The following PHF24 variants were observed in gnomAD, a reference collection of about 807,000 sequenced individuals.
PHF24 encodes PHD finger protein 24.
In PHF24, 25 loss-of-function variants were observed where a neutral mutation model predicts 42.6. That is an observed-to-expected ratio of 0.59 (90% CI 0.43 to 0.82). The LOEUF is 0.82. Among genes scored for constraint, PHF24 ranks in the 40% least tolerant of loss-of-function variants. The pLI is 0.00. For missense variants in PHF24, 470 were observed against 538.1 expected (o/e 0.87, Z 1.25); for synonymous variants, 185 against 204.8 (o/e 0.90, Z 0.83).
chr9:34,736,368 A>C, the PHF24 span, among the ~76,000 whole-genome samples: 1 of 152,212 alleles, frequency 6.6e-6, no homozygotes, highest in African/African-American at 2.4e-5. Flanking sequence ...GTGCAGTGGC[A>C]CAATGATGGC....
the PHF24 span, among the ~76,000 whole-genome samples, chr9:34,737,301 C>T: frequency 6.6e-6 from 1 of 152,176 alleles, no homozygotes; most frequent in Non-Finnish European, 1.5e-5. Flanking sequence ...GAATATGTGA[C>T]CTTTTGCACC....
the PHF24 span, among the ~76,000 whole-genome samples, chr9:34,882,669 C>T: frequency 2.0e-5 from 3 of 152,050 alleles, no homozygotes; most frequent in Admixed American, 6.6e-5. Context: ...ATGTGAAGGA[C>T]CTCTTCAAGG....
chr9:34,758,539 G>A, the PHF24 span, among the ~76,000 whole-genome samples: 1 of 152,128 alleles, frequency 6.6e-6, no homozygotes, highest in East Asian at 1.9e-4. This position sits in a 1 kb window ranked among gnomAD's most constrained non-coding sequence, Gnocchi z 4.4. Context: ...ATGCACCTGG[G>A]ATTGCGGCAT....
the PHF24 span, chr9:34,723,665 T>C: frequency 4.5e-6 from 7 of 1,551,548 alleles, no homozygotes; most frequent in Middle Eastern, 1.7e-4. Flanking sequence ...CACCAGCCCA[T>C]GCAAAACTTG....
chr9:34,806,182 A>T, the PHF24 span, among the ~76,000 whole-genome samples: 4 of 151,182 alleles, frequency 2.6e-5, no homozygotes, highest in African/African-American at 9.7e-5. Flanking sequence ...TTTTTTCAAG[A>T]TTGCTTGGGC....
At chr9:34,779,827 G>A in the PHF24 span, among the ~76,000 whole-genome samples, 5 of 152,148 alleles carry the variant, frequency 3.3e-5, no homozygotes, top group African/African-American at 1.2e-4. Flanking sequence ...CTAAGTTCAA[G>A]CGATTCTCCT....
At chr9:34,677,443 C>T in the PHF24 span, among the ~76,000 whole-genome samples, 1 of 133,294 alleles carries the variant, frequency 7.5e-6, no homozygotes, top group Admixed American at 8.8e-5. Flanking sequence ...GTCGCCCAGG[C>T]TGGAGTGCAG....
chr9:34,679,919 T>C, the PHF24 span, among the ~76,000 whole-genome samples: 1 of 152,316 alleles, frequency 6.6e-6, no homozygotes, highest in South Asian at 2.1e-4. Flanking sequence ...TGCCTGACAG[T>C]CCAAATATGT....
chr9:34,910,170 C>G, the PHF24 span, among the ~76,000 whole-genome samples: 1,365 of 152,320 alleles, frequency 9.0e-3, 18 homozygotes, highest in African/African-American at 0.031. Flanking sequence ...TTTCTCTCCT[C>G]TCCTTGAAGA....
chr9:34,689,359 T>C, the PHF24 span, among the ~76,000 whole-genome samples: 3 of 151,960 alleles, frequency 2.0e-5, no homozygotes, highest in Admixed American at 6.6e-5. This position sits in a 1 kb window ranked among gnomAD's most constrained non-coding sequence, Gnocchi z 4.1. Context: ...GGTTGTTAAG[T>C]GGAGGTGAGC....
At chr9:34,819,102 C>A in the PHF24 span, among the ~76,000 whole-genome samples, 1 of 151,726 alleles carries the variant, frequency 6.6e-6, no homozygotes, top group Non-Finnish European at 1.5e-5. Context: ...CATAATATTC[C>A]TTTTCTCATT....
the PHF24 span, among the ~76,000 whole-genome samples, chr9:34,698,094 C>T: frequency 9.9e-5 from 15 of 152,194 alleles, no homozygotes; most frequent in Middle Eastern, 6.8e-3. Context: ...ATGTTCTACT[C>T]GACCCATACA....
the PHF24 span, chr9:34,918,078 G>A: frequency 6.7e-7 from 1 of 1,497,088 alleles, no homozygotes; most frequent in South Asian, 1.1e-5. Context: ...ACACCTAACT[G>A]GATTCCATGA....
At chr9:34,759,498 T>C in the PHF24 span, among the ~76,000 whole-genome samples, 1 of 152,162 alleles carries the variant, frequency 6.6e-6, no homozygotes, top group East Asian at 1.9e-4. Context: ...TTCTGTCCAG[T>C]GTTGGGTGTA....
At chr9:34,685,282 C>G in the PHF24 span, among the ~76,000 whole-genome samples, 1 of 152,148 alleles carries the variant, frequency 6.6e-6, no homozygotes, top group Admixed American at 6.5e-5. Context: ...TGATACTCCC[C>G]TGGGAATAGG....
chr9:34,830,660 G>A, the PHF24 span, among the ~76,000 whole-genome samples: 1 of 152,140 alleles, frequency 6.6e-6, no homozygotes, highest in Non-Finnish European at 1.5e-5. Context: ...GGATTGGGGT[G>A]GGAGGCTCGA....
At chr9:34,829,115 T>C in the PHF24 span, among the ~76,000 whole-genome samples, 2 of 152,088 alleles carry the variant, frequency 1.3e-5, no homozygotes, top group African/African-American at 4.8e-5. Context: ...TCTGGATGGA[T>C]TTTTGAAGTA....
chr9:34,858,996 G>C, the PHF24 span, among the ~76,000 whole-genome samples: 2 of 152,178 alleles, frequency 1.3e-5, no homozygotes, highest in Non-Finnish European at 2.9e-5. Context: ...TTAGTTTAAA[G>C]TAAAAGGGAT....
chr9:34,835,336 C>T, the PHF24 span: 1 of 1,551,372 alleles, frequency 6.4e-7, no homozygotes, highest in African/African-American at 1.4e-5. Context: ...GTGGGTTTGG[C>T]ATAAGCTGCC....
Sources: allele counts gnomAD v4.1 joint callset (sites outside exome capture counted in the v4.1 genomes callset), GRCh38; gene constraint gnomAD v4.1.1; non-coding constraint Gnocchi (gnomAD v3.1); transcripts MANE v1.5; gene names NCBI Gene and HGNC (gene_info 2026-07-23, HGNC 2026-07-21).